PUM3: variants seen among roughly 807,000 people sequenced by gnomAD.
The protein encoded by PUM3 is pumilio RNA binding family member 3.
Under a neutral mutation model 84.0 loss-of-function variants are expected in PUM3, and 91 were observed. That is an observed-to-expected ratio of 1.08 (90% CI 0.91 to 1.29). The LOEUF (loss-of-function observed/expected upper bound fraction) is 1.29, where lower values mean the gene tolerates loss of function less well. Ranked by LOEUF, PUM3 falls within the 50% of genes most tolerant of loss-of-function variation. The pLI, the probability that PUM3 is intolerant of heterozygous loss-of-function variation, is 0.00. For synonymous variants in PUM3, 321 were observed against 266.7 expected (o/e 1.20, Z -1.98); for missense variants, 1,067 against 767.5 (o/e 1.39, Z -4.61).
At chr9:2,843,739 C>T (rs1292682151) in intron 1 of PUM3, among the ~76,000 whole-genome samples, 2 of 151,966 alleles carry the variant, frequency 1.3e-5, no homozygotes, top group African/African-American at 4.8e-5. Context: ...CCACCATGCC[C>T]GGCTAATTTT....
Position 2,811,373 on chromosome 9 carries a change from G to A in PUM3, c.1623C>T (p.Gly541=), listed in dbSNP as rs1046606694. ...AATGGCACATTACCTCTCCGTCCTT[G>A]CCACCAGGATGCAGTCCTGTTGCTG... The part of the protein sequence containing the change: ...SLAATGLHPG[G]KDGELHIAEH... The change falls in exon 15 of 18, where the codon GGC becomes GGT. Residue 541 remains glycine, a synonymous_variant. Coordinates refer to ENST00000397885, the MANE Select transcript of PUM3 (RefSeq NM_014878.5). 6.2e-7 allele frequency: 1 copy of A among 1,613,714 alleles called. No homozygotes were observed. Among genetic ancestry groups the A allele is most frequent in the African/African-American group, 1.3e-5 (1 of 74,838 alleles).
At chr9:2,840,513 C>T (rs372049850) in intron 1 of PUM3, among the ~76,000 whole-genome samples, 1 of 152,206 alleles carries the variant, frequency 6.6e-6, no homozygotes, top group East Asian at 1.9e-4. Flanking sequence ...TGGTGATCTT[C>T]TATTTCTCTT....
Position 2,810,452 on chromosome 9 carries a change from T to C in PUM3, c.1636-21A>G, listed in dbSNP as rs780242084. On this transcript the variant is annotated intron_variant, in intron 15 of 17. Transcript: ENST00000397885. ...TGAAGCTATGAAGGGTCAAGAACAG[T>C]TAATTTTAAAAGTTGTTTTCATTCA... The C allele has an allele frequency of 6.4e-5, 98 of 1,535,606 alleles. No homozygotes were observed. In the East Asian group the frequency reaches 2.0e-3, roughly 32 times the overall value.
At chr9:2,837,151 A>G (rs1816144538) in intron 3 of PUM3, 29 bp downstream of exon 3, 1 of 1,572,396 alleles carries the variant, frequency 6.4e-7, no homozygotes, top group African/African-American at 1.4e-5. Context: ...TTCAGGCACT[A>G]GTTCAGGCAT....
At chr9:2,843,491 C>A (rs1030263656) in intron 1 of PUM3, among the ~76,000 whole-genome samples, 2 of 151,612 alleles carry the variant, frequency 1.3e-5, no homozygotes, top group African/African-American at 4.8e-5. Context: ...CGAGCACGGG[C>A]TGGGATTCCG....
chr9:2,830,886 T>C, intron 7 of PUM3, 76 bp downstream of exon 7: 1 of 741,460 alleles, frequency 1.3e-6, no homozygotes, highest in South Asian at 1.6e-5. Flanking sequence ...ACTTCCTATC[T>C]CGCATCTGAG....
At chr9:2,832,330 G>A (rs897815405) in intron 5 of PUM3, among the ~76,000 whole-genome samples, 2 of 152,148 alleles carry the variant, frequency 1.3e-5, no homozygotes, top group Admixed American at 1.3e-4. Flanking sequence ...AGGGAAGTAA[G>A]GTTATGAGAA....
rs145837676 is a variant in PUM3 at position 2,826,985 on chromosome 9, C to T, written c.1035+88G>A. On this transcript the variant is annotated intron_variant, in intron 10 of 17. Coordinates refer to ENST00000397885, the MANE Select transcript of PUM3 (RefSeq NM_014878.5). Reference sequence around the variant, plus strand: ...TAAGGAAGCAACTCTAAAATTTCCACAAGACAACGTACATCAAAGCAGTTT... The same window carrying T: ...TAAGGAAGCAACTCTAAAATTTCCATAAGACAACGTACATCAAAGCAGTTT... The T allele has an allele frequency of 1.1e-3, 1,045 of 980,004 alleles. 8 individuals carry two copies. The African/African-American group carries it at 0.014, about 13-fold the overall frequency. 60.7% of individuals were successfully genotyped at this position (980,004 alleles called of 1,614,324 possible).
At chr9:2,833,957 T>A in intron 4 of PUM3, 74 bp downstream of exon 4, 1 of 1,460,864 alleles carries the variant, frequency 6.8e-7, no homozygotes. Context: ...TTAGGACATC[T>A]CACTATTTAC....
intron 13 of PUM3, 41 bp downstream of exon 13, chr9:2,819,977 T>G (rs745926788): frequency 7.5e-7 from 1 of 1,333,302 alleles, no homozygotes; most frequent in Admixed American, 1.7e-5. Context: ...ACAACTGGTT[T>G]ATCGATGTAA....
chr9:2,823,825 C>T lies in PUM3; in HGVS notation c.1144G>A (p.Val382Met), dbSNP rs535536927. The T allele has an allele frequency of 3.9e-6, 6 of 1,528,174 alleles. No individual in the cohort carries two copies. In the African/African-American group the frequency reaches 5.5e-5, roughly 14 times the overall value. The allele number at this position is 1,528,174 out of a possible 1,614,324, so 94.7% of individuals were successfully genotyped here. Reference protein sequence around the residue: ...LWHGTPKDRKVIVKTMKTYVE... With the variant: ...LWHGTPKDRKMIVKTMKTYVE... The stretch of plus-strand genomic sequence containing the variant: ...TAAGTCTTCATTGTTTTCACAATCA[C>T]TTTCCTGTCCTTAAAAAGGAAAGAT... Residue 382 changes from valine (V) to methionine (M), a missense_variant, in exon 12 of 18, where the codon GTG becomes ATG. Val to Met is a conservative substitution (Grantham distance 21). Transcript: ENST00000397885.
intron 3 of PUM3, among the ~76,000 whole-genome samples, chr9:2,835,319 G>A (rs1816094722): frequency 6.6e-6 from 1 of 152,182 alleles, no homozygotes; most frequent in Non-Finnish European, 1.5e-5. Flanking sequence ...TTGGGAGGCT[G>A]AGGCAGGAGG....
At position 2,834,062 on chromosome 9, in the gene PUM3, G is replaced by GAAC. The variant is rs1395092072; in HGVS notation, c.406_408dup (p.Val136dup). ...AAAATCTCCCACATCTGCTTTGCCC[G>GAAC]AACAACAATGTCATAGTTGGTTTTA... On this transcript the variant is annotated inframe_insertion, in exon 4 of 18. Transcript: ENST00000397885. 4 of 1,613,118 alleles carry GAAC rather than the reference G, an allele frequency of 2.5e-6. No homozygotes were observed. In the East Asian group the frequency reaches 8.9e-5, roughly 36 times the overall value.
chr9:2,830,206 T>C (rs1440605665), intron 7 of PUM3, among the ~76,000 whole-genome samples: 1 of 152,090 alleles, frequency 6.6e-6, no homozygotes, highest in Non-Finnish European at 1.5e-5. Flanking sequence ...GAAAATCATA[T>C]TCTAAGATTC....
chr9:2,833,354 T>C lies in PUM3; in HGVS notation c.516+3A>G, dbSNP rs1816034129. The C allele has an allele frequency of 6.5e-7, 1 of 1,543,038 alleles. No individual in the cohort carries two copies. Among genetic ancestry groups the C allele is most frequent in the African/African-American group, 1.4e-5 (1 of 73,428 alleles). ...ATTGCAACAATGAGTATATGCTACT[T>C]ACAGTTTTAATTTTCCCTTGAATCA... On this transcript the variant is annotated splice_donor_region_variant and intron_variant, in intron 5 of 17. Coordinates refer to ENST00000397885, the MANE Select transcript of PUM3 (RefSeq NM_014878.5).
chr9:2,843,680 G>A (rs992069849), intron 1 of PUM3, among the ~76,000 whole-genome samples: 2 of 146,202 alleles, frequency 1.4e-5, no homozygotes, highest in Admixed American at 1.4e-4. Context: ...CCGGGTTCAC[G>A]CCATTCTCCT....
At chr9:2,812,141 G>A in intron 14 of PUM3, 79 bp downstream of exon 14, 1 of 1,223,352 alleles carries the variant, frequency 8.2e-7, no homozygotes, top group African/African-American at 1.5e-5. Flanking sequence ...GTATGGATGG[G>A]TAAGTGGACT....
At chr9:2,816,720 G>A (rs1424968791) in intron 13 of PUM3, among the ~76,000 whole-genome samples, 1 of 152,138 alleles carries the variant, frequency 6.6e-6, no homozygotes, top group Admixed American at 6.5e-5. Flanking sequence ...TTGCAGGTTT[G>A]TGAGCCCTGG....
intron 13 of PUM3, among the ~76,000 whole-genome samples, chr9:2,813,278 T>G (rs1821407296): frequency 6.6e-6 from 1 of 152,228 alleles, no homozygotes; most frequent in African/African-American, 2.4e-5. Context: ...AAAAGTCACT[T>G]GAAAATTTTT....
Sources: gnomAD v4.1 joint callset for allele counts (sites outside exome capture counted in the v4.1 genomes callset) on GRCh38, gnomAD v4.1.1 for gene constraint, MANE v1.5 for transcripts, NCBI Gene and HGNC (gene_info 2026-07-23, HGNC 2026-07-21) for gene names.